FLNB: variants seen among roughly 807,000 people sequenced by gnomAD.
FLNB encodes the protein filamin B.
A neutral mutation model predicts 250.6 loss-of-function variants in FLNB; 111 were observed. That is an observed-to-expected ratio of 0.44 (90% CI 0.38 to 0.52). The LOEUF (loss-of-function observed/expected upper bound fraction) is 0.52. FLNB is among the 20% of genes least tolerant of loss of function. The probability of loss-of-function intolerance (pLI) is 0.00; values close to 1 mark genes in which losing one functional copy is unlikely to be tolerated. For synonymous variants in FLNB, 1,302 were observed against 1,372.1 expected (o/e 0.95, Z 1.13); for missense variants, 2,869 against 3,447.8 (o/e 0.83, Z 4.20).
At chr3:58,117,456 A>G (rs1034489505) in intron 18 of FLNB, among the ~76,000 whole-genome samples, 1 of 152,150 alleles carries the variant, frequency 6.6e-6, no homozygotes, top group African/African-American at 2.4e-5. Flanking sequence ...AGAAAACTTT[A>G]TGCGGGTGAG....
intron 32 of FLNB, among the ~76,000 whole-genome samples, chr3:58,145,188 G>T (rs1387844250): frequency 2.0e-5 from 3 of 152,142 alleles, no homozygotes; most frequent in Non-Finnish European, 4.4e-5. Context: ...TGTGAGTTGT[G>T]TATCTTTTCA....
chr3:58,068,853 A>G (rs996978287), intron 1 of FLNB, among the ~76,000 whole-genome samples: 3 of 152,152 alleles, frequency 2.0e-5, no homozygotes. Flanking sequence ...TGGATATAGA[A>G]GAGGCATTAG....
chr3:58,016,053 T>C (rs2097105264), intron 1 of FLNB, among the ~76,000 whole-genome samples: 1 of 151,664 alleles, frequency 6.6e-6, no homozygotes, highest in South Asian at 2.1e-4. Flanking sequence ...CTTGAGTTTG[T>C]TTGTTTGTTT....
At chr3:58,043,715 G>A (rs9829520) in intron 1 of FLNB, among the ~76,000 whole-genome samples, 6,199 of 152,142 alleles carry the variant, frequency 0.041, 406 homozygotes, top group African/African-American at 0.14. Flanking sequence ...TGAGAGTGCT[G>A]AGTGCAAAAC....
chr3:58,123,023 T>G, intron 20 of FLNB, 70 bp from the exon 21 acceptor site: 1 of 1,348,060 alleles, frequency 7.4e-7, no homozygotes, highest in Non-Finnish European at 1.1e-6. Context: ...ATTATATGCA[T>G]GGGTGTTGAA....
Position 58,109,662 on chromosome 3 carries a change from T to C in FLNB, c.2286T>C (p.Pro762=). 6.2e-7 allele frequency: 1 copy of C among 1,614,130 alleles called. No homozygotes were observed. The highest frequency in any genetic ancestry group is 8.5e-7 in the Non-Finnish European group (1 of 1,180,016). ...GAAGTGGTCTGAAGGCAAATGAACC[T>C]ACACACTTCACGGTGGACTGTACTG... The part of the protein sequence containing the change: ...VERSGLKANE[P]THFTVDCTEA... Residue 762 remains proline, a synonymous_variant, in exon 15 of 46, where the codon CCT becomes CCC. Coordinates refer to ENST00000295956, the MANE Select transcript of FLNB (RefSeq NM_001457.4).
At chr3:58,156,148 T>C (rs2097353065) in intron 41 of FLNB, 73 bp downstream of exon 41, 1 of 1,128,998 alleles carries the variant, frequency 8.9e-7, no homozygotes, top group Non-Finnish European at 1.3e-6. Context: ...TGAGGCTGCT[T>C]CAATGTCCCC....
intron 1 of FLNB, among the ~76,000 whole-genome samples, chr3:58,033,742 A>C (rs1298102384): frequency 6.6e-6 from 1 of 152,166 alleles, no homozygotes; most frequent in African/African-American, 2.4e-5. Flanking sequence ...TCTGAAATTC[A>C]TCCTTGTTGC....
chr3:58,169,700 T>C lies in FLNB; in HGVS notation c.7528T>C (p.Ser2510Pro). 1 of 1,614,040 alleles carries C rather than the reference T, an allele frequency of 6.2e-7. No homozygotes were observed. The highest frequency in any genetic ancestry group is 8.5e-7 in the Non-Finnish European group (1 of 1,179,964). ...CTATAGCGCCATTCCCAAGGCATCC[T>C]CGGACGCCAGCAAGGTGACCTCTAA... ...TCYSAIPKASSDASKVTSKGA... is the reference protein window; with the variant it reads ...TCYSAIPKASPDASKVTSKGA... Residue 2510 changes from serine to proline, a missense_variant, in exon 45 of 46, where the codon TCG becomes CCG. Ser to Pro is a moderately conservative substitution (Grantham distance 74, BLOSUM62 -1). Transcript: ENST00000295956. The surrounding 1 kb of genome is among the most constrained non-coding windows in gnomAD (Gnocchi z 4.8).
chr3:58,132,672 G>T, intron 25 of FLNB, 136 bp from the exon 26 acceptor site: 1 of 1,083,842 alleles, frequency 9.2e-7, no homozygotes, highest in Non-Finnish European at 1.4e-6. Flanking sequence ...TGTGATTATG[G>T]TTGCTGGCCT....
At position 58,110,045 on chromosome 3, in the gene FLNB, G is replaced by A. The variant is rs771607824; in HGVS notation, c.2359G>A (p.Val787Met). 8 of 1,614,182 alleles carry A rather than the reference G, an allele frequency of 5.0e-6. No homozygotes were observed. Among genetic ancestry groups the A allele is most frequent in the Non-Finnish European group, 8.5e-7 (1 of 1,180,034 alleles). ...VSVGIKCDAR[V>M]LSEDEEDVDF... ...TGTTGGCATTAAGTGTGATGCCCGG[G>A]TGTTAAGTGAAGATGAGGAAGACGT... Residue 787 changes from valine (V) to methionine (M), a missense_variant, in exon 16 of 46, where the codon GTG becomes ATG. Transcript: ENST00000295956.
At chr3:58,127,325 C>CAAAAA (rs879263542) in intron 24 of FLNB, among the ~76,000 whole-genome samples, 2 of 117,892 alleles carry the variant, frequency 1.7e-5, no homozygotes, top group Non-Finnish European at 3.5e-5. Flanking sequence ...GACCCTGTCT[C>CAAAAA]AAAAAAAAAA....
chr3:58,121,559 T>C (rs1007593843), intron 20 of FLNB, 56 bp downstream of exon 20: 23 of 1,592,406 alleles, frequency 1.4e-5, no homozygotes, highest in Non-Finnish European at 1.8e-5. Context: ...CATGACACCA[T>C]AGTCCTTCTC....
chr3:58,013,579 C>A (rs554524679), intron 1 of FLNB, among the ~76,000 whole-genome samples: 1 of 152,178 alleles, frequency 6.6e-6, no homozygotes, highest in South Asian at 2.1e-4. Context: ...AATCCCAGCA[C>A]CCTGGGAGGC....
chr3:58,088,093 G>C (rs888980375), intron 4 of FLNB, among the ~76,000 whole-genome samples: 17 of 143,640 alleles, frequency 1.2e-4, no homozygotes, highest in South Asian at 9.1e-4. Context: ...ACAGGTTGGA[G>C]TGCAATGGTA....
intron 38 of FLNB, chr3:58,151,326 A>G (rs1470103865): frequency 7.8e-6 from 1 of 128,044 alleles, no homozygotes; most frequent in East Asian, 2.8e-4. Flanking sequence ...TGGGAGGTGG[A>G]GGTTGCAGTG....
chr3:58,134,014 C>A (rs1402280618), intron 26 of FLNB, among the ~76,000 whole-genome samples: 2 of 152,156 alleles, frequency 1.3e-5, no homozygotes, highest in Non-Finnish European at 2.9e-5. Context: ...ATGTGTTTAA[C>A]CCTGTGTTTC....
intron 18 of FLNB, among the ~76,000 whole-genome samples, chr3:58,112,673 A>G (rs911132019): frequency 6.6e-6 from 1 of 152,198 alleles, no homozygotes; most frequent in Non-Finnish European, 1.5e-5. Context: ...ATACACACAC[A>G]CACGTGCATT....
In FLNB at chr3:58,118,949, G is replaced by T; in HGVS notation, c.2823G>T (p.Pro941=). ...KSPFTVGVAA[P]LDLSKIKLNG... Reference sequence around the variant, plus strand: ...CTTTCACTGTGGGTGTTGCTGCACCGCTGGATCTGAGCAAGATAAAACTCA... The same window carrying T: ...CTTTCACTGTGGGTGTTGCTGCACCTCTGGATCTGAGCAAGATAAAACTCA... The change falls in exon 19 of 46, where the codon CCG becomes CCT. Residue 941 remains proline (P), a synonymous_variant. Coordinates refer to ENST00000295956, the MANE Select transcript of FLNB (RefSeq NM_001457.4). The T allele has an allele frequency of 6.2e-7, 1 of 1,613,896 alleles. No individual in the cohort carries two copies. Among genetic ancestry groups the T allele is most frequent in the Non-Finnish European group, 8.5e-7 (1 of 1,179,836 alleles).
Sources: gnomAD v4.1 joint callset for allele counts (sites outside exome capture counted in the v4.1 genomes callset) on GRCh38, gnomAD v4.1.1 for gene constraint, Gnocchi (gnomAD v3.1) non-coding constraint, MANE v1.5 for transcripts, NCBI Gene and HGNC (gene_info 2026-07-23, HGNC 2026-07-21) for gene names.